The following PHF24 variants were observed in gnomAD, a reference collection of about 807,000 sequenced individuals.
The protein encoded by PHF24 is PHD finger protein 24.
A neutral mutation model predicts 42.6 loss-of-function variants in PHF24; 25 were observed. The ratio of observed to expected loss-of-function variants is 0.59; its 90% confidence interval spans 0.43 to 0.82. The LOEUF is 0.82. Ranked by LOEUF, PHF24 falls within the 40% of genes least tolerant of loss-of-function variation. The pLI is 0.00. For synonymous variants in PHF24, 185 were observed against 204.8 expected (o/e 0.90, Z 0.83); for missense variants, 470 against 538.1 (o/e 0.87, Z 1.25).
the PHF24 span, among the ~76,000 whole-genome samples, chr9:34,812,529 T>C: frequency 2.6e-4 from 39 of 152,286 alleles, no homozygotes; most frequent in African/African-American, 8.9e-4. Flanking sequence ...AAAGAAATCA[T>C]CTATATTTAT....
At chr9:34,822,019 C>T in the PHF24 span, among the ~76,000 whole-genome samples, 1 of 152,140 alleles carries the variant, frequency 6.6e-6, no homozygotes, top group Non-Finnish European at 1.5e-5. Flanking sequence ...TAGTATTATT[C>T]CACTTATAGC....
the PHF24 span, among the ~76,000 whole-genome samples, chr9:34,668,259 C>T: frequency 6.6e-6 from 1 of 152,152 alleles, no homozygotes; most frequent in Non-Finnish European, 1.5e-5. Context: ...TCTCTTCTTC[C>T]TCTGGGAAGT....
the PHF24 span, among the ~76,000 whole-genome samples, chr9:34,865,755 A>C: frequency 6.6e-6 from 1 of 152,182 alleles, no homozygotes; most frequent in Non-Finnish European, 1.5e-5. Context: ...CTGAGGTTTC[A>C]ACTGGGGAAG....
the PHF24 span, among the ~76,000 whole-genome samples, chr9:34,854,210 T>TTTTC: frequency 6.6e-6 from 1 of 150,924 alleles, no homozygotes; most frequent in African/African-American, 2.4e-5. Context: ...TTTTTTTTTT[T>TTTTC]TCAAAAAAAA....
At chr9:34,976,332 T>C in intron 4 of PHF24, 102 bp downstream of exon 4, 1 of 1,119,382 alleles carries the variant, frequency 8.9e-7, no homozygotes, top group Middle Eastern at 2.7e-4. Flanking sequence ...ATTTAGTGGG[T>C]AGAGGGTAAA....
chr9:34,849,740 C>T, the PHF24 span, among the ~76,000 whole-genome samples: 686 of 152,156 alleles, frequency 4.5e-3, 7 homozygotes, highest in African/African-American at 0.015. Flanking sequence ...TGGCTGGTTC[C>T]GGTTGTTCCT....
At chr9:34,791,582 T>TA in the PHF24 span, among the ~76,000 whole-genome samples, 47 of 144,002 alleles carry the variant, frequency 3.3e-4, no homozygotes, top group African/African-American at 9.4e-4. Context: ...AATATAGATT[T>TA]AAAAAAAAAA....
At chr9:34,685,706 CCT>C in the PHF24 span, among the ~76,000 whole-genome samples, 1 of 152,136 alleles carries the variant, frequency 6.6e-6, no homozygotes, top group Non-Finnish European at 1.5e-5. Flanking sequence ...ACTAATGATA[CCT>C]CATGGGATCG....
At chr9:34,717,658 C>T in the PHF24 span, among the ~76,000 whole-genome samples, 4 of 152,164 alleles carry the variant, frequency 2.6e-5, no homozygotes, top group East Asian at 1.9e-4. Flanking sequence ...AGGACAGAAA[C>T]GACAAACCAG....
At chr9:34,875,948 A>ACTCTCTCTCTCT in the PHF24 span, among the ~76,000 whole-genome samples, 6 of 79,914 alleles carry the variant, frequency 7.5e-5, no homozygotes, top group African/African-American at 2.9e-4. Flanking sequence ...ACACACACAC[A>ACTCTCTCTCTCT]CACTCTCTCT....
At chr9:34,941,703 T>G in the PHF24 span, among the ~76,000 whole-genome samples, 2 of 152,166 alleles carry the variant, frequency 1.3e-5, no homozygotes, top group African/African-American at 4.8e-5. Context: ...TAGACAGATG[T>G]CTTCTCACTG....
the PHF24 span, chr9:34,723,536 A>C: frequency 6.4e-7 from 1 of 1,551,650 alleles, no homozygotes; most frequent in African/African-American, 1.4e-5. Flanking sequence ...GGCTGAGAAC[A>C]TGGAGTCCTC....
At chr9:34,858,386 C>T in the PHF24 span, among the ~76,000 whole-genome samples, 1 of 152,132 alleles carries the variant, frequency 6.6e-6, no homozygotes, top group Non-Finnish European at 1.5e-5. Context: ...GAGGGTAGGT[C>T]TGGCACCTGG....
the PHF24 span, among the ~76,000 whole-genome samples, chr9:34,808,780 A>T: frequency 7.2e-4 from 109 of 151,244 alleles, 1 homozygote; most frequent in Non-Finnish European, 7.2e-4. Flanking sequence ...AAAAGGGCAG[A>T]GTCCTCATGG....
the PHF24 span, among the ~76,000 whole-genome samples, chr9:34,849,420 C>T: frequency 0.029 from 4,412 of 151,812 alleles, 102 homozygotes; most frequent in African/African-American, 0.06. Context: ...ACTAGGATTG[C>T]AACCCCTGCC....
At chr9:34,946,457 C>A in the PHF24 span, among the ~76,000 whole-genome samples, 87 of 152,246 alleles carry the variant, frequency 5.7e-4, no homozygotes, top group African/African-American at 1.9e-3. Context: ...GTTTCCATAT[C>A]CATTTCCAAA....
the PHF24 span, among the ~76,000 whole-genome samples, chr9:34,882,997 T>C: frequency 9.2e-5 from 14 of 152,210 alleles, no homozygotes; most frequent in African/African-American, 3.4e-4. Flanking sequence ...AACAGCATGA[T>C]ACTGGTACCA....
chr9:34,690,980 T>C, the PHF24 span: 7 of 935,036 alleles, frequency 7.5e-6, no homozygotes, highest in Non-Finnish European at 1.1e-5. Flanking sequence ...CCTAAGCATT[T>C]GCCTGAACTC....
the PHF24 span, among the ~76,000 whole-genome samples, chr9:34,758,713 G>T: frequency 6.6e-6 from 1 of 152,088 alleles, no homozygotes; most frequent in African/African-American, 2.4e-5. The surrounding 1 kb of genome is among the most constrained non-coding windows in gnomAD (Gnocchi z 4.4). Context: ...CGGGGGATAG[G>T]CAGTACACAT....
Sources: gnomAD v4.1 joint callset for allele counts (sites outside exome capture counted in the v4.1 genomes callset) on GRCh38, gnomAD v4.1.1 for gene constraint, Gnocchi (gnomAD v3.1) non-coding constraint, MANE v1.5 for transcripts, NCBI Gene and HGNC (gene_info 2026-07-23, HGNC 2026-07-21) for gene names.